Variants in MCM4 observed in about 807,000 individuals in gnomAD.
The protein encoded by MCM4 is minichromosome maintenance complex component 4.
Under a neutral mutation model 88.7 loss-of-function variants are expected in MCM4, and 60 were observed. The observed-to-expected ratio is 0.68, with a 90% CI of 0.55 to 0.84. The LOEUF is 0.84. Among genes scored for constraint, MCM4 ranks in the 40% least tolerant of loss-of-function variants. MCM4 has a pLI of 0.00. For synonymous variants in MCM4, 465 were observed against 410.5 expected (o/e 1.13, Z -1.61); for missense variants, 1,149 against 1,105.5 (o/e 1.04, Z -0.56).
intron 10 of MCM4, 84 bp downstream of exon 10, chr8:47,967,569 A>AC: frequency 1.9e-6 from 3 of 1,548,352 alleles, no homozygotes; most frequent in Non-Finnish European, 2.7e-6. Flanking sequence ...GGACTTGGTC[A>AC]CAGGTCCAGT....
In MCM4 at chr8:47,966,276, G is replaced by C; in HGVS notation, c.922G>C (p.Val308Leu). The C allele has an allele frequency of 6.2e-7, 1 of 1,614,096 alleles. No homozygotes were observed. The highest frequency in any genetic ancestry group is 1.1e-5 in the South Asian group (1 of 91,074). Residue 308 changes from valine (V) to leucine (L), a missense_variant, in exon 9 of 17, where the codon GTG becomes CTG. Val to Leu is a conservative substitution (Grantham distance 32, BLOSUM62 1). Coordinates refer to ENST00000649973, the MANE Select transcript of MCM4 (RefSeq NM_182746.3). ...EMQEAFFQCQ[V>L]CAHTTRVEMD... Reference sequence around the variant, plus strand: ...GCAGGAGGCCTTCTTCCAGTGCCAAGTGTGTGCCCACACGACCCGGGTGGA... The same window carrying C: ...GCAGGAGGCCTTCTTCCAGTGCCAACTGTGTGCCCACACGACCCGGGTGGA...
chr8:47,976,922 C>A lies in MCM4; in HGVS notation c.*144C>A. 2 of 564,100 alleles carry A rather than the reference C, an allele frequency of 3.5e-6. No homozygotes were observed. The highest frequency in any genetic ancestry group is 6.4e-6 in the Non-Finnish European group (2 of 312,762). The allele number at this position is 564,100 out of a possible 1,614,324, so 34.9% of individuals were successfully genotyped here. ...GCATAAAAATTTTCTAACTTGGGTT[C>A]AATATTTGTAGTGAAGTATCTGTTT... On this transcript the variant is annotated 3_prime_UTR_variant, in exon 17 of 17. Coordinates refer to ENST00000649973, the MANE Select transcript of MCM4 (RefSeq NM_182746.3).
chr8:47,962,946 TTAA>T lies in MCM4; in HGVS notation c.601_603del (p.Asn201del). 2 of 1,591,742 alleles carry T rather than the reference TTAA, an allele frequency of 1.3e-6. No individual in the cohort carries two copies. The highest frequency in any genetic ancestry group is 1.7e-6 in the Non-Finnish European group (2 of 1,170,320). ...AACTTGTTCATTTTTATTTTCTAGA[TTAA>T]TGTTATTGGTGAGCCATTTTTAAAT... On this transcript the variant is annotated inframe_deletion and splice_region_variant, in exon 7 of 17. Coordinates refer to ENST00000649973, the MANE Select transcript of MCM4 (RefSeq NM_182746.3).
chr8:47,962,731 ATATGCCTAATAC>A, intron 5 of MCM4, 21 bp from the exon 6 acceptor site: 1 of 1,298,488 alleles, frequency 7.7e-7, no homozygotes, highest in Non-Finnish European at 1.1e-6. Context: ...CCCAAATGCT[ATATGCCTAATAC>A]AGTTTTCTCT....
intron 3 of MCM4, 38 bp downstream of exon 3, chr8:47,961,718 A>G (rs200057078): frequency 4.3e-5 from 68 of 1,571,366 alleles, no homozygotes; most frequent in Admixed American, 9.0e-5. Context: ...TGTGCTTGAT[A>G]CACAGCTGAT....
intron 10 of MCM4, chr8:47,969,459 T>G: frequency 4.1e-6 from 1 of 243,332 alleles, no homozygotes; most frequent in Non-Finnish European, 8.1e-6. Flanking sequence ...GGGTTCTCCT[T>G]GTTGATTAGG....
rs752870043 is a variant in MCM4 at position 47,975,816 on chromosome 8, C to A, written c.2467C>A (p.Leu823Ile). Residue 823 changes from leucine to isoleucine, a missense_variant, in exon 16 of 17, where the codon CTT becomes ATT. Leu to Ile is a conservative substitution (Grantham distance 5, BLOSUM62 2). Around this residue, in one of 3 missense-constraint regions of MCM4, gnomAD observed 238 missense variants for 241.6 expected, o/e 0.99. Transcript: ENST00000649973. ...GKTPALKYQQ[L>I]FEDIRGQSDI... is the part of the protein sequence containing the mutation. Reference sequence around the variant, plus strand: ...AACACCAGCTCTAAAATACCAGCAACTTTTTGAAGATATTCGGGGACAATC... The same window carrying A: ...AACACCAGCTCTAAAATACCAGCAAATTTTTGAAGATATTCGGGGACAATC... 6.3e-7 allele frequency: 1 copy of A among 1,582,828 alleles called. No individual in the cohort carries two copies. The highest frequency in any genetic ancestry group is 8.6e-7 in the Non-Finnish European group (1 of 1,168,672).
chr8:47,961,388 A>G (rs2090830134), intron 2 of MCM4, 128 bp from the exon 3 acceptor site: 4 of 1,554,560 alleles, frequency 2.6e-6, no homozygotes, highest in Non-Finnish European at 3.5e-6. Context: ...GTGCTGCTTA[A>G]TTCGATTGCC....
rs1411254309 is a variant in MCM4 at position 47,974,784 on chromosome 8, A to G, written c.2187A>G (p.Ala729=). 2.5e-6 allele frequency: 4 copies of G among 1,614,258 alleles called. No individual in the cohort carries two copies. The highest frequency in any genetic ancestry group is 4.5e-5 in the East Asian group (2 of 44,894). The change falls in exon 15 of 17, where the codon GCA becomes GCG. Residue 729 remains alanine (A), a synonymous_variant. Transcript: ENST00000649973. ...GCAGTAGCCGGGGAATGGTTTCTGC[A>G]TACCCTCGACAGCTAGAGTCATTAA... is the stretch of plus-strand genomic sequence containing the variant. ...KIGSSRGMVS[A]YPRQLESLIR... is the part of the protein sequence containing the mutation.
intron 10 of MCM4, among the ~76,000 whole-genome samples, chr8:47,968,704 A>C (rs1277040475): frequency 6.6e-6 from 1 of 152,246 alleles, no homozygotes; most frequent in Non-Finnish European, 1.5e-5. Context: ...CAAGAATTAC[A>C]CTGACCCACT....
chr8:47,975,670 T>C, intron 15 of MCM4, 45 bp from the exon 16 acceptor site: 1 of 1,457,276 alleles, frequency 6.9e-7, no homozygotes, highest in East Asian at 2.6e-5. Context: ...AAGCATTTCA[T>C]TTCATAATAG....
chr8:47,969,075 C>A (rs997712528), intron 10 of MCM4: 2 of 152,236 alleles, frequency 1.3e-5, no homozygotes, highest in South Asian at 4.1e-4. Context: ...CAGCATTGAG[C>A]TAGAAGCACA....
intron 2 of MCM4, 71 bp downstream of exon 2, chr8:47,961,285 G>T: frequency 7.0e-7 from 1 of 1,428,766 alleles, no homozygotes; most frequent in Non-Finnish European, 9.1e-7. Context: ...GCAGCTGGCA[G>T]CGCTGGGTGG....
In MCM4 at chr8:47,966,420, C is replaced by G; in HGVS notation, c.1053+13C>G. The stretch of plus-strand genomic sequence containing the variant: ...TGACAAGCAGATGGTGCGCAGCCAC[C>G]CTGGCCCCCCAGGCTATGCTTTGCC... On this transcript the variant is annotated intron_variant, in intron 9 of 16. Coordinates refer to ENST00000649973, the MANE Select transcript of MCM4 (RefSeq NM_182746.3). 3 of 1,595,286 alleles carry G rather than the reference C, an allele frequency of 1.9e-6. No homozygotes were observed. Among genetic ancestry groups the G allele is most frequent in the Non-Finnish European group, 2.6e-6 (3 of 1,169,026 alleles).
At chr8:47,969,286 TTTGCTCTC>T (rs1359123763) in intron 10 of MCM4, 1 of 155,368 alleles carries the variant, frequency 6.4e-6, no homozygotes, top group African/African-American at 2.4e-5. Flanking sequence ...GAGACGGAGT[TTTGCTCTC>T]GTCACCCAGG....
At position 47,977,388 on chromosome 8, in the gene MCM4, A is replaced by T. The variant is rs1327616945; in HGVS notation, c.*610A>T. ...TGTATGCACAGATGCAGTCTGGGGC[A>T]TGGTTTGTGTGCTGGACTTTCTCAT... On this transcript the variant is annotated 3_prime_UTR_variant, in exon 17 of 17. Coordinates refer to ENST00000649973, the MANE Select transcript of MCM4 (RefSeq NM_182746.3). 1 of 152,122 alleles carries T rather than the reference A, an allele frequency of 6.6e-6. No homozygotes were observed. The highest frequency in any genetic ancestry group is 1.5e-5 in the Non-Finnish European group (1 of 68,110). The allele number at this position is 152,122 out of a possible 1,614,324, so 9.4% of individuals were successfully genotyped here.
In MCM4 at chr8:47,961,152, C is replaced by T; in HGVS notation, c.8C>T (p.Ser3Phe). 6.4e-7 allele frequency: 1 copy of T among 1,553,094 alleles called. No homozygotes were observed. Among genetic ancestry groups the T allele is most frequent in the Non-Finnish European group, 8.6e-7 (1 of 1,159,616 alleles). MS[S>F]PASTPSRRGS... Reference sequence around the variant, plus strand: ...GCAGGTACTCCGAGCACTATGTCGTCCCCGGCGTCGACCCCGAGCCGCCGC... The same window carrying T: ...GCAGGTACTCCGAGCACTATGTCGTTCCCGGCGTCGACCCCGAGCCGCCGC... The change falls in exon 2 of 17, where the codon TCC becomes TTC. Residue 3 changes from serine to phenylalanine, a missense_variant. Transcript: ENST00000649973.
intron 4 of MCM4, 40 bp downstream of exon 4, chr8:47,962,256 T>A (rs1360473763): frequency 6.2e-7 from 1 of 1,613,896 alleles, no homozygotes; most frequent in Non-Finnish European, 8.5e-7. Flanking sequence ...ATGGCGGGTA[T>A]CATGTGGGTA....
intron 10 of MCM4, among the ~76,000 whole-genome samples, chr8:47,968,570 A>G (rs910312596): frequency 6.6e-6 from 1 of 152,152 alleles, no homozygotes; most frequent in Non-Finnish European, 1.5e-5. Context: ...ATAAGTATCA[A>G]TGCTGCTCTG....
Sources: allele counts gnomAD v4.1 joint callset (sites outside exome capture counted in the v4.1 genomes callset), GRCh38; gene constraint gnomAD v4.1.1; regional missense constraint gnomAD v4.1.1; transcripts MANE v1.5; gene names NCBI Gene and HGNC (gene_info 2026-07-23, HGNC 2026-07-21).